Variants in PLCD1 observed in about 807,000 individuals in gnomAD.
PLCD1 encodes the protein phospholipase C delta 1, also known as 1-phosphatidylinositol 4,5-bisphosphate phosphodiesterase delta-1.
PLCD1 carries 71 observed loss-of-function variants against 87.4 expected under a neutral mutation model. The observed-to-expected ratio is 0.81, with a 90% CI of 0.67 to 0.99. The LOEUF is 0.99. Among genes scored for constraint, PLCD1 ranks in the 50% least tolerant of loss-of-function variants. PLCD1 has a pLI of 0.00. For synonymous variants in PLCD1, 348 were observed against 399.2 expected (o/e 0.87, Z 1.53); for missense variants, 867 against 1,001.5 (o/e 0.87, Z 1.81).
At position 38,009,137 on chromosome 3, in the gene PLCD1, T is replaced by C. The variant is rs370264895; in HGVS notation, c.1628A>G (p.Asn543Ser). 2.4e-5 allele frequency: 39 copies of C among 1,614,118 alleles called. 1 individual carries two copies. Among genetic ancestry groups the C allele is most frequent in the East Asian group, 4.5e-5 (2 of 44,870 alleles). The change falls in exon 11 of 15, where the codon AAC becomes AGC. Residue 543 changes from asparagine (N) to serine (S), a missense_variant. Transcript: ENST00000334661. ...GTAGATTCTGCTCAGGTGCCCCACG[T>C]TGTGGCGGACAAAGCCGTTTCCTGA... Reference protein sequence around the residue: ...QESGNGFVRHNVGHLSRIYPA... With the variant: ...QESGNGFVRHSVGHLSRIYPA...
chr3:38,015,140 G>A (rs755812069), intron 3 of PLCD1, among the ~76,000 whole-genome samples: 1 of 152,118 alleles, frequency 6.6e-6, no homozygotes, highest in African/African-American at 2.4e-5. Context: ...ACTTATACAC[G>A]AATGTTAATA....
At chr3:38,027,641 A>G (rs545065160) in intron 1 of PLCD1, among the ~76,000 whole-genome samples, 5 of 152,276 alleles carry the variant, frequency 3.3e-5, no homozygotes, top group Admixed American at 6.5e-5. Flanking sequence ...CTCCTTCCAG[A>G]GAGTGTGGAG....
chr3:38,029,410 G>A, intron 1 of PLCD1, 96 bp downstream of exon 1: 1 of 1,131,528 alleles, frequency 8.8e-7, no homozygotes, highest in Non-Finnish European at 1.3e-6. Context: ...TGTGGAGGCG[G>A]CCGAAGGAGC....
intron 3 of PLCD1, among the ~76,000 whole-genome samples, chr3:38,013,747 G>GAGACT (rs1700117212): frequency 6.6e-6 from 1 of 152,196 alleles, no homozygotes; most frequent in Non-Finnish European, 1.5e-5. Flanking sequence ...GACTGTCCAA[G>GAGACT]GTCAAGGCTC....
intron 3 of PLCD1, among the ~76,000 whole-genome samples, chr3:38,015,490 G>A (rs1183239552): frequency 6.6e-6 from 1 of 152,214 alleles, no homozygotes. Context: ...TGATGGAAAT[G>A]TGCTAAAATT....
At chr3:38,008,774 C>A (rs1700012100) in intron 11 of PLCD1, 138 bp from the exon 12 acceptor site, 2 of 785,338 alleles carry the variant, frequency 2.5e-6, no homozygotes, top group Non-Finnish European at 2.2e-6. Flanking sequence ...CTGCTGCCCT[C>A]CTGCCACCCT....
In PLCD1 at chr3:38,009,052, GC is replaced by G; in HGVS notation, c.1712del (p.Gly571AlafsTer7). ...CCAGCCAGCCCATACCGATCTGGCA[GC>G]CCCCATTCCACATCTCCACGGGGCT... ...NYSPVEMWNG[G>X]CQIVALNFQT... On this transcript the variant is annotated frameshift_variant, in exon 11 of 15. Coordinates refer to ENST00000334661, the MANE Select transcript of PLCD1 (RefSeq NM_006225.4). LOFTEE classifies it high-confidence loss of function. The G allele has an allele frequency of 6.2e-7, 1 of 1,612,138 alleles. No homozygotes were observed. The highest frequency in any genetic ancestry group is 8.5e-7 in the Non-Finnish European group (1 of 1,179,076).
rs924871867 is a variant in PLCD1 at position 38,012,172 on chromosome 3, CTTT to C, written c.429-502_429-500del. ...GTGTGCACCGCACCACCACGCCTGG[CTTT>C]TTTTTTTTTTTTTGGGTAGAGACAG... On this transcript the variant is annotated intron_variant, in intron 3 of 14. Transcript: ENST00000334661. 6.2e-4 allele frequency among the ~76,000 whole-genome samples: 82 copies of C among 131,932 alleles called. No individual in the cohort carries two copies. The East Asian group carries it at 0.015, about 25-fold the overall frequency. The allele number at this position is 131,932 out of a possible 152,430, so 86.6% of individuals were successfully genotyped here. A position where few individuals can be genotyped will look rare whatever the true frequency, so the allele number is the denominator to read the frequency against.
chr3:38,021,316 G>A (rs2125550040), intron 1 of PLCD1, among the ~76,000 whole-genome samples: 1 of 152,324 alleles, frequency 6.6e-6, no homozygotes, highest in South Asian at 2.1e-4. Context: ...GGATACAGCA[G>A]CTTTAAGGCA....
chr3:38,008,974 G>A lies in PLCD1; in HGVS notation c.1723+68C>T, dbSNP rs942621540. ...AGAGCTCCACTGCATGGCCTTCGAG[G>A]CTCCAGGCCCCCGGCCTTGGGACTG... On this transcript the variant is annotated intron_variant, in intron 11 of 14. Transcript: ENST00000334661. 8 of 1,314,788 alleles carry A rather than the reference G, an allele frequency of 6.1e-6. No individual in the cohort carries two copies. The African/African-American group carries it at 1.2e-4, about 19-fold the overall frequency. The allele number at this position is 1,314,788 out of a possible 1,614,324, so 81.4% of individuals were successfully genotyped here.
At chr3:38,024,376 G>T in intron 1 of PLCD1, 2 of 1,612,902 alleles carry the variant, frequency 1.2e-6, no homozygotes, top group South Asian at 2.2e-5. Context: ...TTAAGGCTCC[G>T]CTCCTGCAGG....
intron 1 of PLCD1, among the ~76,000 whole-genome samples, chr3:38,026,332 A>AG (rs1700308076): frequency 1.3e-5 from 2 of 152,280 alleles, no homozygotes; most frequent in Non-Finnish European, 2.9e-5. Flanking sequence ...CAGCCTGGCC[A>AG]ACATGGAGAC....
Position 38,008,321 on chromosome 3 carries a change from G to A in PLCD1, c.1949C>T (p.Ser650Leu). ...CACTGTCACTTTGGGGTCCACAATT[G>A]AATTCTTATTCTTGTTGACTTTTGG... ...QLPKVNKNKNSIVDPKVTVEI... is the reference protein window; with the variant it reads ...QLPKVNKNKNLIVDPKVTVEI... Residue 650 changes from serine (S) to leucine (L), a missense_variant, in exon 13 of 15, where the codon TCA becomes TTA. Coordinates refer to ENST00000334661, the MANE Select transcript of PLCD1 (RefSeq NM_006225.4). 6.2e-7 allele frequency: 1 copy of A among 1,614,216 alleles called. No individual in the cohort carries two copies. Among genetic ancestry groups the A allele is most frequent in the African/African-American group, 1.3e-5 (1 of 75,068 alleles).
chr3:38,024,817 C>T (rs1048732586), intron 1 of PLCD1: 39 of 1,089,990 alleles, frequency 3.6e-5, no homozygotes, highest in Non-Finnish European at 4.7e-5. Flanking sequence ...AGAGTCAGAC[C>T]CCAAAAGGCT....
In PLCD1 at chr3:38,008,280, T is replaced by C. The variant is rs753919171; in HGVS notation, c.1990A>G (p.Ser664Gly). The C allele has an allele frequency of 1.5e-5, 24 of 1,614,098 alleles. No individual in the cohort carries two copies. Among genetic ancestry groups the C allele is most frequent in the Non-Finnish European group, 1.9e-5 (23 of 1,180,046 alleles). ...GTCTGGCGGCTGGCCACGTCCCGGCTCACGCCATGGATCTCCACTGTCACT... is the reference window on the plus strand; with the variant it reads ...GTCTGGCGGCTGGCCACGTCCCGGCCCACGCCATGGATCTCCACTGTCACT... The part of the protein sequence containing the change: ...PKVTVEIHGV[S>G]RDVASRQTAV... Residue 664 changes from serine (S) to glycine (G), a missense_variant, in exon 13 of 15, where the codon AGC becomes GGC. Coordinates refer to ENST00000334661, the MANE Select transcript of PLCD1 (RefSeq NM_006225.4).
Position 38,009,340 on chromosome 3 carries a change from G to C in PLCD1, c.1538C>G (p.Pro513Arg), listed in dbSNP as rs746720554. 7.4e-6 allele frequency: 12 copies of C among 1,614,052 alleles called. No individual in the cohort carries two copies. Among genetic ancestry groups the C allele is most frequent in the African/African-American group, 6.7e-5 (5 of 74,922 alleles). The stretch of plus-strand genomic sequence containing the variant: ...CGCCATCTCGTAGAAGGCCTGTCCA[G>C]GGGTGCCAGGACTGGAGAAGCCCCC... The part of the protein sequence containing the change: ...HFGGFSSPGT[P>R]GQAFYEMASF... Residue 513 changes from proline to arginine, a missense_variant, in exon 10 of 15, where the codon CCT becomes CGT. Pro to Arg is a moderately radical substitution (Grantham distance 103, BLOSUM62 -2). Transcript: ENST00000334661.
At chr3:38,024,525 C>T in intron 1 of PLCD1, 4 of 1,521,670 alleles carry the variant, frequency 2.6e-6, no homozygotes, top group Middle Eastern at 2.3e-4. Context: ...TGCTCTGGTC[C>T]GGGGGGCGGA....
At chr3:38,024,870 G>C in intron 1 of PLCD1, 1 of 481,820 alleles carries the variant, frequency 2.1e-6, no homozygotes, top group Non-Finnish European at 3.3e-6. Context: ...CTGGAGATGG[G>C]GCGAGAGTGG....
intron 3 of PLCD1, 78 bp from the exon 4 acceptor site, chr3:38,011,751 C>G (rs1273222669): frequency 1.4e-6 from 2 of 1,426,890 alleles, no homozygotes; most frequent in South Asian, 1.2e-5. Context: ...ATGGCTCCAG[C>G]TGAAGCCACC....
Sources: gnomAD v4.1 joint callset for allele counts (sites outside exome capture counted in the v4.1 genomes callset) on GRCh38, gnomAD v4.1.1 for gene constraint, MANE v1.5 for transcripts, NCBI Gene and HGNC (gene_info 2026-07-23, HGNC 2026-07-21) for gene names.